AGAP1: variants seen among roughly 807,000 people sequenced by gnomAD.
AGAP1 encodes the protein arf-GAP with GTPase, ANK repeat and PH domain-containing protein 1.
Under a neutral mutation model 105.3 loss-of-function variants are expected in AGAP1, and 29 were observed. The ratio of observed to expected loss-of-function variants is 0.28; its 90% CI spans 0.21 to 0.38. AGAP1 has a LOEUF of 0.38. Among genes scored for constraint, AGAP1 ranks in the 10% least tolerant of loss-of-function variants. AGAP1 has a pLI of 1.00. For synonymous variants in AGAP1, 509 were observed against 485.9 expected (o/e 1.05, Z -0.63); for missense variants, 998 against 1,165.1 (o/e 0.86, Z 2.09).
chr2:236,094,181 T>C (rs993883024), intron 16 of AGAP1, among the ~76,000 whole-genome samples: 4 of 152,150 alleles, frequency 2.6e-5, no homozygotes, highest in Admixed American at 6.6e-5. Flanking sequence ...ATGGAGCCAG[T>C]GTGTGGCACA....
rs987443754 is a variant in AGAP1, at chr2:236,080,064, A to G, written c.2114+30783A>G. ...ATAGCTGTGATGTAGTCAGGGCCCCATGGCATCCGCACACATCAAGGGCTG... is the reference window on the plus strand; with the variant it reads ...ATAGCTGTGATGTAGTCAGGGCCCCGTGGCATCCGCACACATCAAGGGCTG... On this transcript the variant is annotated intron_variant, in intron 16 of 17. Coordinates refer to ENST00000304032, the MANE Select transcript of AGAP1 (RefSeq NM_001037131.3). This position sits in a 1 kb window ranked among gnomAD's most constrained non-coding sequence, Gnocchi z 4.2. Among the ~76,000 whole-genome samples the G allele has an allele frequency of 2.0e-5, 3 of 152,228 alleles. No homozygotes were observed. The highest frequency in any genetic ancestry group is 7.2e-5 in the African/African-American group (3 of 41,458).
Position 236,066,277 on chromosome 2 carries a change from G to A in AGAP1, c.2114+16996G>A, listed in dbSNP as rs572945565. 6.6e-5 allele frequency among the ~76,000 whole-genome samples: 10 copies of A among 152,210 alleles called. No homozygotes were observed. The South Asian group carries it at 2.1e-3, about 32-fold the overall frequency. ...GAGTCTCACTCTGTCGCCCTAGCTG[G>A]TGCAGTGGCACAATCTCAGTTCACT... is the stretch of plus-strand genomic sequence containing the variant. On this transcript the variant is annotated intron_variant, in intron 16 of 17. Coordinates refer to ENST00000304032, the MANE Select transcript of AGAP1 (RefSeq NM_001037131.3).
chr2:235,765,304 G>A (rs921720776), intron 6 of AGAP1, among the ~76,000 whole-genome samples: 1 of 151,732 alleles, frequency 6.6e-6, no homozygotes, highest in Non-Finnish European at 1.5e-5. Context: ...CTGTGGGGTG[G>A]GCGTATCTGG....
chr2:236,117,612 G>C (rs2059802120), intron 16 of AGAP1, among the ~76,000 whole-genome samples: 1 of 152,220 alleles, frequency 6.6e-6, no homozygotes. Context: ...GTCAATCGGA[G>C]CGGAATCAAA....
At chr2:235,817,454 A>G (rs979784232) in intron 9 of AGAP1, among the ~76,000 whole-genome samples, 1 of 152,108 alleles carries the variant, frequency 6.6e-6, no homozygotes, top group Non-Finnish European at 1.5e-5. Flanking sequence ...CCTCTCCTAC[A>G]TCTAAAAGTA....
At position 235,550,535 on chromosome 2, in the gene AGAP1, C is replaced by T. The variant is rs1358992330; in HGVS notation, c.163+55686C>T. Among the ~76,000 whole-genome samples, 2 of 152,196 alleles carry T rather than the reference C, an allele frequency of 1.3e-5. No individual in the cohort carries two copies. The highest frequency in any genetic ancestry group is 2.9e-5 in the Non-Finnish European group (2 of 68,030). ...ATGCCAGTTCTTGGGCCCCACCCCA[C>T]ACCTGCGACTCCAGACTCAGAGTTG... On this transcript the variant is annotated intron_variant, in intron 1 of 17. Coordinates refer to ENST00000304032, the MANE Select transcript of AGAP1 (RefSeq NM_001037131.3). This position sits in a 1 kb window ranked among gnomAD's most constrained non-coding sequence, Gnocchi z 4.6.
intron 1 of AGAP1, among the ~76,000 whole-genome samples, chr2:235,686,680 TA>T (rs1949465524): frequency 3.1e-5 from 4 of 130,812 alleles, no homozygotes; most frequent in East Asian, 2.2e-4. Flanking sequence ...TTTTTTTTTT[TA>T]GACAGAGTCT....
chr2:235,847,774 G>A (rs922799480), intron 9 of AGAP1, among the ~76,000 whole-genome samples: 7 of 152,184 alleles, frequency 4.6e-5, no homozygotes, highest in African/African-American at 1.7e-4. Context: ...ATGTGAAGGT[G>A]CAGCCCAAGC....
rs1955284241 is a variant in AGAP1 at position 235,769,899 on chromosome 2, CAG to C, written c.673+19414_673+19415del. Reference sequence around the variant, plus strand: ...GTCCTTTCCAAGGACTTTGGTTTTCCAGAGTTACACTTCACATGTATTTCTAT... The same window carrying C: ...GTCCTTTCCAAGGACTTTGGTTTTCCAGTTACACTTCACATGTATTTCTAT... On this transcript the variant is annotated intron_variant, in intron 6 of 17. Transcript: ENST00000304032. The surrounding 1 kb of genome is among the most constrained non-coding windows in gnomAD (Gnocchi z 4.4). 6.6e-6 allele frequency among the ~76,000 whole-genome samples: 1 copy of C among 152,124 alleles called. No individual in the cohort carries two copies. The highest frequency in any genetic ancestry group is 2.1e-4 in the South Asian group (1 of 4,826).
intron 6 of AGAP1, among the ~76,000 whole-genome samples, chr2:235,785,566 A>T (rs894264755): frequency 6.6e-6 from 1 of 151,850 alleles, no homozygotes; most frequent in African/African-American, 2.4e-5. Flanking sequence ...GTAGTTTCTT[A>T]CCTGGAATAA....
At chr2:235,560,100 A>C (rs13386405) in intron 1 of AGAP1, among the ~76,000 whole-genome samples, 1 of 152,066 alleles carries the variant, frequency 6.6e-6, no homozygotes, top group African/African-American at 2.4e-5. Context: ...GTTTTCTTCT[A>C]AGAGTTTTCT....
At chr2:235,581,134 CAAAAAAAA>C (rs60330965) in intron 1 of AGAP1, among the ~76,000 whole-genome samples, 5,776 of 88,306 alleles carry the variant, frequency 0.065, 206 homozygotes, top group Admixed American at 0.14. Context: ...CCATCTCAAG[CAAAAAAAA>C]AAAAAAAAAA....
chr2:235,934,706 C>T lies in AGAP1; in HGVS notation c.1483+3783C>T, dbSNP rs115562348. 9.3e-3 allele frequency among the ~76,000 whole-genome samples: 1,416 copies of T among 152,044 alleles called. 27 individuals are homozygous for T. The highest frequency in any genetic ancestry group is 0.032 in the African/African-American group (1,325 of 41,468). ...CACTTCCTTTTCGAATGTATCTGCC[C>T]CCATCCCTAGTCTTTGGTTTGGATT... On this transcript the variant is annotated intron_variant, in intron 12 of 17. Coordinates refer to ENST00000304032, the MANE Select transcript of AGAP1 (RefSeq NM_001037131.3). The surrounding 1 kb of genome is among the most constrained non-coding windows in gnomAD (Gnocchi z 4.9).
intron 9 of AGAP1, among the ~76,000 whole-genome samples, chr2:235,834,640 A>C (rs1959902487): frequency 6.6e-6 from 1 of 152,162 alleles, no homozygotes; most frequent in African/African-American, 2.4e-5. Flanking sequence ...ATTCATTTTC[A>C]CCAGTTGTTC....
chr2:235,719,393 TG>T lies in AGAP1; in HGVS notation c.310+1752del, dbSNP rs1951270725. 6.6e-6 allele frequency among the ~76,000 whole-genome samples: 1 copy of T among 152,234 alleles called. No homozygotes were observed. Among genetic ancestry groups the T allele is most frequent in the Non-Finnish European group, 1.5e-5 (1 of 68,044 alleles). On this transcript the variant is annotated intron_variant, in intron 3 of 17. Coordinates refer to ENST00000304032, the MANE Select transcript of AGAP1 (RefSeq NM_001037131.3). The surrounding 1 kb of genome is among the most constrained non-coding windows in gnomAD (Gnocchi z 4.9). ...GTGTTCCATTGTATTTGGGCCCAGC[TG>T]GGATGTCTTTTGCAGTGCATAATTG...
intron 1 of AGAP1, among the ~76,000 whole-genome samples, chr2:235,542,767 T>C (rs1360971402): frequency 6.6e-6 from 1 of 152,200 alleles, no homozygotes; most frequent in Non-Finnish European, 1.5e-5. Flanking sequence ...TATATGTGTA[T>C]TTTTGTGCCA....
chr2:235,501,879 G>A (rs1357451340), intron 1 of AGAP1, among the ~76,000 whole-genome samples: 1 of 152,162 alleles, frequency 6.6e-6, no homozygotes, highest in African/African-American at 2.4e-5. Context: ...CAGGGTTTGA[G>A]GTTCTGATCT....
At chr2:235,984,176 T>G (rs1384519440) in intron 13 of AGAP1, among the ~76,000 whole-genome samples, 2 of 152,250 alleles carry the variant, frequency 1.3e-5, no homozygotes, top group Non-Finnish European at 2.9e-5. Context: ...ATGGATCCTT[T>G]TGTGTCTGGC....
At chr2:235,717,447 C>T in intron 2 of AGAP1, 110 bp from the exon 3 acceptor site, 1 of 840,090 alleles carries the variant, frequency 1.2e-6, no homozygotes, top group Admixed American at 3.3e-5. Context: ...CCAGCCAGTG[C>T]TTGGTTATGT....
Sources: gnomAD v4.1 joint callset for allele counts (sites outside exome capture counted in the v4.1 genomes callset) on GRCh38, gnomAD v4.1.1 for gene constraint, Gnocchi (gnomAD v3.1) non-coding constraint, MANE v1.5 for transcripts, NCBI Gene and HGNC (gene_info 2026-07-23, HGNC 2026-07-21) for gene names.